The following TRMT11 variants were observed in gnomAD, a reference collection of about 807,000 sequenced individuals.
The protein encoded by TRMT11 is tRNA (guanine(10)-N(2))-methyltransferase TRMT11.
Under a neutral mutation model 62.8 loss-of-function variants are expected in TRMT11, and 53 were observed. The observed-to-expected ratio is 0.84, with a 90% CI of 0.68 to 1.06. The LOEUF is 1.06. Ranked by LOEUF, TRMT11 falls within the 50% of genes least tolerant of loss-of-function variation. The pLI is 0.00. For missense variants in TRMT11, 556 were observed against 553.4 expected (o/e 1.00, Z -0.05); for synonymous variants, 188 against 190.3 (o/e 0.99, Z 0.10).
intron 1 of TRMT11, among the ~76,000 whole-genome samples, chr6:126,178,696 A>G (rs1385655521): frequency 6.6e-6 from 1 of 152,152 alleles, no homozygotes; most frequent in East Asian, 1.9e-4. Flanking sequence ...TGAGAAAACC[A>G]GCTGTTTATT....
chr6:126,174,430 CA>C (rs1483876355), upstream of TRMT11, among the ~76,000 whole-genome samples: 1 of 152,112 alleles, frequency 6.6e-6, no homozygotes, highest in Non-Finnish European at 1.5e-5. Flanking sequence ...TTCAATTTAC[CA>C]AAATATGGAA....
chr6:126,007,958 ATTTG>A (rs1239809420), intron 7 of TRMT11, among the ~76,000 whole-genome samples: 4 of 152,036 alleles, frequency 2.6e-5, no homozygotes, highest in Non-Finnish European at 5.9e-5. Context: ...ATTATGCCCT[ATTTG>A]TTTGAAACTC....
the TRMT11 span, among the ~76,000 whole-genome samples, chr6:126,218,437 G>A: frequency 6.6e-6 from 1 of 152,336 alleles, no homozygotes; most frequent in Non-Finnish European, 1.5e-5. Flanking sequence ...GTCAGCAGGT[G>A]TTGAATCCTG....
At chr6:126,070,926 G>A (rs1294537495) in intron 17 of TRMT11, among the ~76,000 whole-genome samples, 6 of 152,280 alleles carry the variant, frequency 3.9e-5, no homozygotes, top group East Asian at 1.9e-4. Context: ...CAGCCACTAC[G>A]CCATTCGCTG....
the TRMT11 span, among the ~76,000 whole-genome samples, chr6:126,232,567 C>T: frequency 6.6e-6 from 1 of 152,130 alleles, no homozygotes; most frequent in Admixed American, 6.6e-5. Flanking sequence ...GGTCCTTGTT[C>T]ACCCTGATGA....
intron 17 of TRMT11, among the ~76,000 whole-genome samples, chr6:126,054,595 ATT>A (rs904444447): frequency 6.6e-6 from 1 of 152,196 alleles, no homozygotes; most frequent in Non-Finnish European, 1.5e-5. Flanking sequence ...GAAAATAAAG[ATT>A]GTGGGTTGCC....
intron 12 of TRMT11, among the ~76,000 whole-genome samples, chr6:126,030,875 A>C (rs1328280513): frequency 1.3e-5 from 2 of 152,198 alleles, no homozygotes; most frequent in African/African-American, 4.8e-5. Flanking sequence ...TGATTTTATA[A>C]ATTGATGACC....
At chr6:126,039,879 CTA>C (rs1253247758), downstream of TRMT11, among the ~76,000 whole-genome samples, 1 of 151,998 alleles carries the variant, frequency 6.6e-6, no homozygotes, top group East Asian at 1.9e-4. Context: ...CTTAGGACCT[CTA>C]AAAGTATAGT....
At chr6:126,003,377 C>A (rs907028750) in intron 7 of TRMT11, among the ~76,000 whole-genome samples, 31 of 151,982 alleles carry the variant, frequency 2.0e-4, no homozygotes, top group African/African-American at 7.3e-4. Flanking sequence ...AAGATTGGAC[C>A]CCTCTGTCCT....
At chr6:126,007,254 T>C (rs571058375) in intron 7 of TRMT11, among the ~76,000 whole-genome samples, 2 of 152,126 alleles carry the variant, frequency 1.3e-5, no homozygotes, top group African/African-American at 2.4e-5. Flanking sequence ...GTATTTTTAA[T>C]TCCATGCTAC....
chr6:126,027,965 C>T (rs970721048), intron 12 of TRMT11, among the ~76,000 whole-genome samples: 3 of 152,196 alleles, frequency 2.0e-5, no homozygotes, highest in Middle Eastern at 3.4e-3. Flanking sequence ...AGAAATTAGT[C>T]TTTATGATAG....
intron 21 of TRMT11, among the ~76,000 whole-genome samples, chr6:126,140,601 G>C (rs1426129072): frequency 6.6e-6 from 1 of 152,014 alleles, no homozygotes; most frequent in Admixed American, 6.6e-5. Context: ...GATTTTTCTA[G>C]AAATTTGACC....
chr6:126,253,615 C>A, the TRMT11 span, among the ~76,000 whole-genome samples: 1 of 152,150 alleles, frequency 6.6e-6, no homozygotes, highest in African/African-American at 2.4e-5. Context: ...TGTCACTAGT[C>A]ACTAGGCGAC....
chr6:126,088,053 T>G (rs770749372), intron 17 of TRMT11, among the ~76,000 whole-genome samples: 48 of 152,196 alleles, frequency 3.2e-4, no homozygotes, highest in Admixed American at 5.9e-4. Flanking sequence ...CTTTAAAAAA[T>G]TATTTAATGA....
the TRMT11 span, among the ~76,000 whole-genome samples, chr6:126,247,214 A>T: frequency 6.6e-6 from 1 of 152,228 alleles, no homozygotes; most frequent in Non-Finnish European, 1.5e-5. Context: ...TGTGGGGAAT[A>T]GGACTGCATG....
At chr6:126,092,728 A>G (rs898376237) in intron 17 of TRMT11, among the ~76,000 whole-genome samples, 1 of 152,162 alleles carries the variant, frequency 6.6e-6, no homozygotes, top group African/African-American at 2.4e-5. Context: ...ATCCATGGCA[A>G]TTGCAACTTC....
the TRMT11 span, among the ~76,000 whole-genome samples, chr6:126,262,533 G>A: frequency 6.6e-6 from 1 of 152,108 alleles, no homozygotes; most frequent in Non-Finnish European, 1.5e-5. Flanking sequence ...AACCTCCCAG[G>A]ACAGGACACA....
At chr6:126,206,421 T>A (rs1204497372), downstream of TRMT11, among the ~76,000 whole-genome samples, 1 of 152,244 alleles carries the variant, frequency 6.6e-6, no homozygotes, top group East Asian at 1.9e-4. Context: ...TGTCAATCTT[T>A]GTCGGTCTAT....
chr6:126,028,330 T>A (rs761082300), intron 12 of TRMT11, among the ~76,000 whole-genome samples: 1 of 152,198 alleles, frequency 6.6e-6, no homozygotes, highest in Non-Finnish European at 1.5e-5. Flanking sequence ...AAAGACGTAT[T>A]GGACATAAAC....
Sources: allele counts gnomAD v4.1 joint callset (sites outside exome capture counted in the v4.1 genomes callset), GRCh38; gene constraint gnomAD v4.1.1; transcripts MANE v1.5; gene names NCBI Gene and HGNC (gene_info 2026-07-23, HGNC 2026-07-21).